The following CIRSR variants were observed in gnomAD, a reference collection of about 807,000 sequenced individuals.
CIRSR encodes the protein CBF1 (RBPJ) interacting corepressor 1.
chr2:174,364,343 T>C, the CIRSR span, among the ~76,000 whole-genome samples: 1 of 152,256 alleles, frequency 6.6e-6, no homozygotes. Context: ...CCCTCCTGGC[T>C]GCTTTCATAT....
the CIRSR span, among the ~76,000 whole-genome samples, chr2:174,372,875 C>G: frequency 6.6e-6 from 1 of 152,172 alleles, no homozygotes; most frequent in African/African-American, 2.4e-5. Context: ...AGCCACCGAG[C>G]CTGGCCTCTC....
the CIRSR span, among the ~76,000 whole-genome samples, chr2:174,369,548 G>A: frequency 1.3e-5 from 2 of 152,090 alleles, no homozygotes; most frequent in South Asian, 2.1e-4. Flanking sequence ...TACCTATCTC[G>A]GCTTTCAACA....
the CIRSR span, among the ~76,000 whole-genome samples, chr2:174,368,505 T>C: frequency 6.6e-6 from 1 of 152,176 alleles, no homozygotes; most frequent in African/African-American, 2.4e-5. Flanking sequence ...CAAGAGAAAG[T>C]TAAAAAATAT....
chr2:174,389,252 G>T, the CIRSR span, among the ~76,000 whole-genome samples: 1 of 152,194 alleles, frequency 6.6e-6, no homozygotes, highest in Non-Finnish European at 1.5e-5. Flanking sequence ...GAAGATGTGG[G>T]AAAGTATGGA....
the CIRSR span, among the ~76,000 whole-genome samples, chr2:174,390,863 C>T: frequency 2.6e-5 from 4 of 152,134 alleles, no homozygotes; most frequent in East Asian, 1.9e-4. Context: ...TGAAGAAAGA[C>T]GTGTTTGCTT....
chr2:174,390,470 A>G, the CIRSR span, among the ~76,000 whole-genome samples: 7 of 152,338 alleles, frequency 4.6e-5, no homozygotes, highest in African/African-American at 1.7e-4. Context: ...TTTTGATTTT[A>G]CAGGCTCATA....
the CIRSR span, among the ~76,000 whole-genome samples, chr2:174,374,771 G>A: frequency 6.6e-6 from 1 of 152,184 alleles, no homozygotes; most frequent in African/African-American, 2.4e-5. Context: ...TATACGAAAG[G>A]TTATTCCTTT....
the CIRSR span, among the ~76,000 whole-genome samples, chr2:174,365,042 T>C: frequency 6.6e-6 from 1 of 152,204 alleles, no homozygotes; most frequent in East Asian, 1.9e-4. Context: ...CAAACTTTCA[T>C]GCTCTGCTTC....
chr2:174,387,605 G>C, the CIRSR span: 1 of 1,434,908 alleles, frequency 7.0e-7, no homozygotes, highest in African/African-American at 1.5e-5. Context: ...CCAAAAAACT[G>C]ACTTAATATA....
the CIRSR span, among the ~76,000 whole-genome samples, chr2:174,376,728 G>A: frequency 1.3e-5 from 2 of 150,570 alleles, no homozygotes; most frequent in Admixed American, 1.3e-4. Context: ...AACCTGGGAG[G>A]CGGAGCTCGC....
At chr2:174,395,121 G>A in the CIRSR span, among the ~76,000 whole-genome samples, 2 of 150,892 alleles carry the variant, frequency 1.3e-5, no homozygotes, top group Non-Finnish European at 2.9e-5. Context: ...AACGAGTTTA[G>A]TCATCAAAAA....
chr2:174,354,425 TTATATGATA>T, the CIRSR span, among the ~76,000 whole-genome samples: 11 of 61,788 alleles, frequency 1.8e-4, no homozygotes, highest in South Asian at 6.2e-4. Flanking sequence ...ATAATATATA[TTATATGATA>T]TATATAATAT....
chr2:174,375,933 A>T, the CIRSR span, among the ~76,000 whole-genome samples: 1 of 152,194 alleles, frequency 6.6e-6, no homozygotes, highest in Non-Finnish European at 1.5e-5. Flanking sequence ...AACCTGGCTC[A>T]CTGCAGCCTC....
the CIRSR span, chr2:174,380,852 T>A: frequency 6.5e-7 from 1 of 1,540,974 alleles, no homozygotes. Flanking sequence ...AAAAAAGGTA[T>A]GACAAGTTAA....
At chr2:174,385,502 G>T in the CIRSR span, among the ~76,000 whole-genome samples, 517 of 152,186 alleles carry the variant, frequency 3.4e-3, 1 homozygote, top group African/African-American at 0.012. Context: ...CTCAGATCGT[G>T]GTTTCTAAAT....
At chr2:174,370,103 G>A in the CIRSR span, 1 of 1,319,076 alleles carries the variant, frequency 7.6e-7, no homozygotes, top group Non-Finnish European at 1.0e-6. Context: ...CACTGCTGGT[G>A]TAGAGCTGAG....
At chr2:174,352,594 T>A in the CIRSR span, among the ~76,000 whole-genome samples, 1 of 152,192 alleles carries the variant, frequency 6.6e-6, no homozygotes, top group Non-Finnish European at 1.5e-5. Flanking sequence ...ATAAATAATT[T>A]TTTTTTAAAG....
the CIRSR span, among the ~76,000 whole-genome samples, chr2:174,372,243 A>C: frequency 2.0e-5 from 3 of 152,226 alleles, no homozygotes; most frequent in African/African-American, 7.2e-5. Flanking sequence ...AATTTAAAAA[A>C]CTTATAAATG....
chr2:174,382,214 A>C, the CIRSR span, among the ~76,000 whole-genome samples: 2 of 152,246 alleles, frequency 1.3e-5, no homozygotes, highest in African/African-American at 4.8e-5. Flanking sequence ...AAAAAAGAAA[A>C]GGCAAAGGAA....
Sources: gnomAD v4.1 joint callset for allele counts (sites outside exome capture counted in the v4.1 genomes callset) on GRCh38, gnomAD v4.1.1 for gene constraint, MANE v1.5 for transcripts, NCBI Gene and HGNC (gene_info 2026-07-23, HGNC 2026-07-21) for gene names.